Variants in FAM178B observed in about 807,000 individuals in gnomAD.
The protein encoded by FAM178B is protein FAM178B.
In FAM178B, 82 loss-of-function variants were observed where a neutral mutation model predicts 91.7. The observed-to-expected ratio is 0.89, with a 90% CI of 0.75 to 1.07. The LOEUF is 1.07. Ranked by LOEUF, FAM178B falls within the 50% of genes least tolerant of loss-of-function variation. The pLI is 0.00. For missense variants in FAM178B, 769 were observed against 846.7 expected, an observed-to-expected ratio of 0.91 and a Z score of 1.14; for synonymous variants, 368 against 359.4, an observed-to-expected ratio of 1.02 and a Z score of -0.27.
Position 96,972,226 on chromosome 2 carries a change from C to T in FAM178B, c.239G>A (p.Arg80Gln), listed in dbSNP as rs1036928864. 56 of 1,538,328 alleles carry T rather than the reference C, an allele frequency of 3.6e-5. No individual in the cohort carries two copies. Among genetic ancestry groups the T allele is most frequent in the African/African-American group, 6.9e-5 (5 of 72,550 alleles). The part of the protein sequence containing the change: ...PLDQGPRCPA[R>Q]RPCSPASAPA... ...AGCCGAGGCAGGGCTGCAGGGCCGC[C>T]GGGCAGGGCAGCGGGGCCCCTGGTC... The change falls in exon 3 of 17, where the codon CGG becomes CAG. Residue 80 changes from arginine (R) to glutamine (Q), a missense_variant. Arg to Gln is a conservative substitution (Grantham distance 43). Coordinates refer to ENST00000490605, the MANE Select transcript of FAM178B (RefSeq NM_001122646.3).
intron 13 of FAM178B, chr2:96,897,935 A>G: frequency 2.0e-6 from 2 of 985,068 alleles, no homozygotes; most frequent in South Asian, 9.4e-5. Context: ...CAATGCTGTA[A>G]GTCCTGTCCT....
chr2:96,914,510 C>T (rs2081210283), intron 12 of FAM178B, among the ~76,000 whole-genome samples: 1 of 152,202 alleles, frequency 6.6e-6, no homozygotes, highest in Non-Finnish European at 1.5e-5. Flanking sequence ...GATTCTGGAG[C>T]AGGGAAGTGA....
chr2:96,965,567 A>G (rs1178925936), intron 5 of FAM178B, among the ~76,000 whole-genome samples: 1 of 151,720 alleles, frequency 6.6e-6, no homozygotes, highest in Non-Finnish European at 1.5e-5. Flanking sequence ...GGCTCAAGTG[A>G]TCCTCCTATC....
At chr2:96,930,242 A>AC (rs2081517432) in intron 8 of FAM178B, among the ~76,000 whole-genome samples, 1 of 134,950 alleles carries the variant, frequency 7.4e-6, no homozygotes, top group African/African-American at 2.5e-5. Flanking sequence ...AAAAAAAAAA[A>AC]AATCTGACCA....
chr2:96,963,514 G>A (rs982201639), intron 5 of FAM178B, among the ~76,000 whole-genome samples: 5 of 152,214 alleles, frequency 3.3e-5, no homozygotes, highest in African/African-American at 2.4e-5. Flanking sequence ...GGGACGTCAT[G>A]GCCGGCTGCC....
intron 8 of FAM178B, among the ~76,000 whole-genome samples, chr2:96,935,171 C>T (rs1419958948): frequency 6.6e-6 from 1 of 152,052 alleles, no homozygotes; most frequent in African/African-American, 2.4e-5. Context: ...TTAAAACAAA[C>T]AAACAAACAA....
At chr2:96,927,309 G>A (rs983703523) in intron 9 of FAM178B, among the ~76,000 whole-genome samples, 4 of 152,222 alleles carry the variant, frequency 2.6e-5, no homozygotes, top group Non-Finnish European at 5.9e-5. Context: ...GGGCTTGACC[G>A]GTGGTCCCCA....
intron 12 of FAM178B, among the ~76,000 whole-genome samples, chr2:96,909,928 C>G (rs6576991): frequency 6.6e-6 from 1 of 152,224 alleles, no homozygotes; most frequent in Non-Finnish European, 1.5e-5. Context: ...GCCCTCTGGG[C>G]ACACTCTGAT....
At chr2:96,946,236 A>C (rs563957395) in intron 8 of FAM178B, among the ~76,000 whole-genome samples, 12 of 152,332 alleles carry the variant, frequency 7.9e-5, no homozygotes, top group Non-Finnish European at 5.9e-5. Flanking sequence ...ATGGACATTC[A>C]AAGAATTTCC....
rs77088313 is a variant in FAM178B, at chr2:96,930,898, T to C, written c.1079-1578A>G. 1.9e-3 allele frequency among the ~76,000 whole-genome samples: 296 copies of C among 152,270 alleles called. 8 individuals are homozygous for C. The East Asian group carries it at 0.05, about 26-fold the overall frequency. On this transcript the variant is annotated intron_variant, in intron 8 of 16. Coordinates refer to ENST00000490605, the MANE Select transcript of FAM178B (RefSeq NM_001122646.3). ...TTTTACCCTTCTGCCACATAAGGAA[T>C]TGGCCAGAAGACCTCCTCTTTGGGG...
chr2:96,913,877 T>C (rs1241993477), intron 12 of FAM178B, among the ~76,000 whole-genome samples: 1 of 151,850 alleles, frequency 6.6e-6, no homozygotes, highest in Non-Finnish European at 1.5e-5. Context: ...CTCCCAGAGG[T>C]GGAACAAAGG....
At chr2:96,886,086 C>T (rs1030053433) in intron 14 of FAM178B, among the ~76,000 whole-genome samples, 1 of 152,140 alleles carries the variant, frequency 6.6e-6, no homozygotes, top group Admixed American at 6.5e-5. Context: ...CTCATCCTTC[C>T]CACCAACACC....
In FAM178B at chr2:96,952,171, G is replaced by A. The variant is rs764505622; in HGVS notation, c.888-687C>T. On this transcript the variant is annotated intron_variant, in intron 6 of 16. Coordinates refer to ENST00000490605, the MANE Select transcript of FAM178B (RefSeq NM_001122646.3). The stretch of plus-strand genomic sequence containing the variant: ...TCGGGTTCCTCCAGCTGCAAGGGGC[G>A]GGCACGATTACCCCCACGAGGCCAG... Among the ~76,000 whole-genome samples, 6 of 152,266 alleles carry A rather than the reference G, an allele frequency of 3.9e-5. No homozygotes were observed. The South Asian group carries it at 1.0e-3, about 26-fold the overall frequency.
At chr2:96,905,834 A>ATG (rs1559063992) in intron 12 of FAM178B, among the ~76,000 whole-genome samples, 64 of 23,024 alleles carry the variant, frequency 2.8e-3, no homozygotes, top group Middle Eastern at 0.037. Context: ...ATATATATAT[A>ATG]TATATATATA....
chr2:96,955,971 T>G (rs1226955147), intron 6 of FAM178B, among the ~76,000 whole-genome samples: 1 of 152,192 alleles, frequency 6.6e-6, no homozygotes, highest in Non-Finnish European at 1.5e-5. Flanking sequence ...TGCTGGATAT[T>G]CATGGAGGAA....
rs1254942119 is a variant in FAM178B at position 96,929,259 on chromosome 2, C to T, written c.1140G>A (p.Leu380=). The change falls in exon 9 of 17, where the codon CTG becomes CTA. Residue 380 remains leucine (L), a synonymous_variant. Coordinates refer to ENST00000490605, the MANE Select transcript of FAM178B (RefSeq NM_001122646.3). ...GGTACAGGGCAGGACTGTGGGCACC[C>T]AGGCTGTGGAATGCCTCCCTGACTT... is the stretch of plus-strand genomic sequence containing the variant. ...LQEVREAFHS[L]GAHSPALYPL... 2 of 1,551,638 alleles carry T rather than the reference C, an allele frequency of 1.3e-6. No individual in the cohort carries two copies. The highest frequency in any genetic ancestry group is 1.7e-6 in the Non-Finnish European group (2 of 1,146,948).
At position 96,899,851 on chromosome 2, in the gene FAM178B, CTTTTTTTTTTTT is replaced by C. The variant is rs78433909; in HGVS notation, c.1650+2757_1650+2768del. 2.9e-4 allele frequency among the ~76,000 whole-genome samples: 33 copies of C among 113,514 alleles called. No individual in the cohort carries two copies. The East Asian group carries it at 6.3e-3, about 22-fold the overall frequency. 74.5% of individuals were successfully genotyped at this position (113,514 alleles called of 152,430 possible). A position where few individuals can be genotyped will look rare whatever the true frequency, so the allele number is the denominator to read the frequency against. On this transcript the variant is annotated intron_variant, in intron 13 of 16. Transcript: ENST00000490605. ...GCCTCCCGCGCCCCCATTCCCCACT[CTTTTTTTTTTTT>C]TTTTTTTTTTTTAAGAGAAGGTGTC...
intron 13 of FAM178B, among the ~76,000 whole-genome samples, chr2:96,897,017 C>T (rs2080837705): frequency 6.6e-6 from 1 of 152,192 alleles, no homozygotes; most frequent in South Asian, 2.1e-4. Context: ...CAGGCGGCCA[C>T]CACCACGTCC....
At chr2:96,928,154 G>T (rs553801439) in intron 9 of FAM178B, among the ~76,000 whole-genome samples, 3 of 152,146 alleles carry the variant, frequency 2.0e-5, no homozygotes, top group African/African-American at 7.2e-5. Flanking sequence ...ACATCTGCCC[G>T]CCGAGGCGAG....
Sources: allele counts gnomAD v4.1 joint callset (sites outside exome capture counted in the v4.1 genomes callset), GRCh38; gene constraint gnomAD v4.1.1; transcripts MANE v1.5; gene names NCBI Gene and HGNC (gene_info 2026-07-23, HGNC 2026-07-21).